Variants in EDDM13 observed in about 807,000 individuals in gnomAD.
EDDM13 encodes the protein epididymal protein 13.
A neutral mutation model predicts 17.8 loss-of-function variants in EDDM13; 24 were observed. That is an observed-to-expected ratio of 1.35 (90% CI 0.98 to 1.90). The LOEUF (loss-of-function observed/expected upper bound fraction) is 1.90, where lower values mean the gene tolerates loss of function less well. EDDM13 is among the 40% of genes most tolerant of loss of function. The pLI, the probability that EDDM13 is intolerant of heterozygous loss-of-function variation, is 0.00. For missense variants in EDDM13, 97 were observed against 100.8 expected (o/e 0.96, Z 0.16); for synonymous variants, 31 against 37.5 (o/e 0.83, Z 0.63).
chr19:56,285,957 T>C lies in EDDM13; in HGVS notation c.154+933T>C, dbSNP rs560834991. On this transcript the variant is annotated intron_variant, in intron 6 of 14. Coordinates refer to ENST00000649256, the MANE Select transcript of EDDM13 (RefSeq NM_001354658.2). The stretch of plus-strand genomic sequence containing the variant: ...GACAGATGTTTAACAAATTTGCATC[T>C]TCATATACAGCCTGTGGGGATGCTT... Among the ~76,000 whole-genome samples the C allele has an allele frequency of 2.2e-4, 33 of 152,358 alleles. 1 individual carries two copies. In the South Asian group the frequency reaches 3.5e-3, roughly 16 times the overall value.
At chr19:56,295,070 A>C (rs1452189382) in intron 9 of EDDM13, 2 of 152,244 alleles carry the variant, frequency 1.3e-5, no homozygotes, top group African/African-American at 2.4e-5. Context: ...TTTTCAGGTG[A>C]TGAAAACGTT....
intron 2 of EDDM13, among the ~76,000 whole-genome samples, chr19:56,276,663 A>G (rs958668889): frequency 1.3e-5 from 2 of 151,936 alleles, no homozygotes; most frequent in Non-Finnish European, 2.9e-5. Context: ...CAGCCTCCCG[A>G]GTAGCTGGGA....
intron 6 of EDDM13, among the ~76,000 whole-genome samples, chr19:56,286,210 T>TG (rs1568697171): frequency 6.6e-6 from 1 of 151,098 alleles, no homozygotes; most frequent in Non-Finnish European, 1.5e-5. Context: ...TTAGTAGAGA[T>TG]GGGGTTTCAC....
chr19:56,309,792 G>A (rs2040918859), intron 14 of EDDM13, among the ~76,000 whole-genome samples: 1 of 152,226 alleles, frequency 6.6e-6, no homozygotes, highest in Admixed American at 6.5e-5. Flanking sequence ...GGGACAGTGA[G>A]GAACTGGAGG....
rs2040576372 is a variant in EDDM13, at chr19:56,304,797, AC to A, written c.429del (p.Cys144AlafsTer38). ...AGTTCACTTTTTCCTCCCAAGTGTTACTGCCACTACTGTAACTTGGAACTGG... is the reference window on the plus strand; with the variant it reads ...AGTTCACTTTTTCCTCCCAAGTGTTATGCCACTACTGTAACTTGGAACTGG... ...FVSYNKGDWC[Y>X]CHYCNLELDI... On this transcript the variant is annotated frameshift_variant, in exon 14 of 15. Coordinates refer to ENST00000649256, the MANE Select transcript of EDDM13 (RefSeq NM_001354658.2). LOFTEE classifies it high-confidence loss of function. 1.0e-6 allele frequency: 1 copy of A among 985,244 alleles called. No individual in the cohort carries two copies. Among genetic ancestry groups the A allele is most frequent in the Non-Finnish European group, 1.2e-6 (1 of 829,886 alleles). The allele number at this position is 985,244 out of a possible 1,614,324, so 61.0% of individuals were successfully genotyped here.
chr19:56,296,187 G>A (rs1201754723), intron 10 of EDDM13, 149 bp from the exon 11 acceptor site: 1 of 152,558 alleles, frequency 6.6e-6, no homozygotes, highest in Non-Finnish European at 1.5e-5. Flanking sequence ...GGTGGCAGTG[G>A]GGACAGTGTG....
intron 2 of EDDM13, among the ~76,000 whole-genome samples, chr19:56,277,069 T>C (rs781152170): frequency 6.6e-5 from 10 of 152,090 alleles, no homozygotes; most frequent in Non-Finnish European, 1.3e-4. Flanking sequence ...CGTGGAGAAA[T>C]CAGAACCCTC....
At chr19:56,304,632 G>C (rs1045398087) in intron 13 of EDDM13, 161 bp from the exon 14 acceptor site, 6 of 210,890 alleles carry the variant, frequency 2.8e-5, no homozygotes, top group Non-Finnish European at 4.1e-5. Context: ...GCTGAATAGA[G>C]AAGCAAGACC....
intron 13 of EDDM13, 64 bp downstream of exon 13, chr19:56,302,159 G>C: frequency 8.5e-7 from 1 of 1,180,164 alleles, no homozygotes; most frequent in Non-Finnish European, 1.1e-6. Flanking sequence ...AGGGAAGTGG[G>C]GGCACAGAGG....
At chr19:56,304,540 C>G (rs2040558816) in intron 13 of EDDM13, among the ~76,000 whole-genome samples, 1 of 152,154 alleles carries the variant, frequency 6.6e-6, no homozygotes, top group Non-Finnish European at 1.5e-5. Flanking sequence ...TGAGAAACCC[C>G]AGCTTAGGGG....
intron 1 of EDDM13, among the ~76,000 whole-genome samples, chr19:56,274,181 C>T (rs1217229589): frequency 2.6e-5 from 4 of 152,026 alleles, no homozygotes; most frequent in African/African-American, 7.3e-5. Context: ...AGGTCGGGCG[C>T]GGTGGCTCAC....
chr19:56,280,719 G>C (rs1255322361), intron 2 of EDDM13: 2 of 152,190 alleles, frequency 1.3e-5, no homozygotes, highest in African/African-American at 4.8e-5. Context: ...AAAGGACAGA[G>C]AGAGAGACAG....
rs74727846 is a variant in EDDM13 at position 56,293,843 on chromosome 19, C to T, written c.233-2116C>T. ...CACATCCTACAATGCACAGGACACC[C>T]CACCCCCACAACAAAAAAACTATCC... On this transcript the variant is annotated intron_variant, in intron 9 of 14. Transcript: ENST00000649256. Among the ~76,000 whole-genome samples, 1,151 of 151,968 alleles carry T rather than the reference C, an allele frequency of 7.6e-3. 17 individuals carry two copies. The highest frequency in any genetic ancestry group is 0.026 in the African/African-American group (1,078 of 41,468).
At chr19:56,298,049 G>A (rs1205079817) in intron 12 of EDDM13, 1 of 149,980 alleles carries the variant, frequency 6.7e-6, no homozygotes, top group African/African-American at 2.5e-5. Flanking sequence ...CATCCGGCCT[G>A]GGTAACTGAG....
At chr19:56,285,954 A>G (rs1244329000) in intron 6 of EDDM13, among the ~76,000 whole-genome samples, 2 of 152,214 alleles carry the variant, frequency 1.3e-5, no homozygotes, top group Non-Finnish European at 2.9e-5. Context: ...ACAAATTTGC[A>G]TCTTCATATA....
intron 9 of EDDM13, among the ~76,000 whole-genome samples, chr19:56,294,175 C>T (rs1422940372): frequency 2.6e-5 from 4 of 152,066 alleles, no homozygotes; most frequent in Non-Finnish European, 2.9e-5. Flanking sequence ...GCTCCAGTAA[C>T]GAGCAAAAGC....
At chr19:56,304,343 G>T (rs2040543891) in intron 13 of EDDM13, among the ~76,000 whole-genome samples, 1 of 152,222 alleles carries the variant, frequency 6.6e-6, no homozygotes, top group African/African-American at 2.4e-5. Flanking sequence ...CTGAAACGGG[G>T]GTGACGTTGC....
chr19:56,275,972 T>G (rs1161353254), intron 1 of EDDM13, among the ~76,000 whole-genome samples, 120 bp from the exon 2 acceptor site: 2 of 152,200 alleles, frequency 1.3e-5, no homozygotes, highest in Non-Finnish European at 2.9e-5. Flanking sequence ...TCAGCTGATC[T>G]CCAGGGACAC....
At chr19:56,307,483 G>A (rs1908609519) in intron 14 of EDDM13, among the ~76,000 whole-genome samples, 1 of 152,156 alleles carries the variant, frequency 6.6e-6, no homozygotes, top group Admixed American at 6.5e-5. Context: ...CTTTTCCTAA[G>A]GTTAACTGTG....
Sources: gnomAD v4.1 joint callset for allele counts (sites outside exome capture counted in the v4.1 genomes callset) on GRCh38, gnomAD v4.1.1 for gene constraint, MANE v1.5 for transcripts, NCBI Gene and HGNC (gene_info 2026-07-23, HGNC 2026-07-21) for gene names.